Variants in CSMD1 observed in about 807,000 individuals in gnomAD.
CSMD1 encodes CUB and Sushi multiple domains 1.
CSMD1 carries 213 observed loss-of-function variants against 417.5 expected under a neutral mutation model. The ratio of observed to expected loss-of-function variants is 0.51; its 90% CI spans 0.46 to 0.57. CSMD1 has a LOEUF of 0.57. CSMD1 is among the 20% of genes least tolerant of loss of function. CSMD1 has a pLI of 0.00. For missense variants in CSMD1, 6,923 were observed against 4,529.7 expected (o/e 1.53, Z -15.17); for synonymous variants, 2,862 against 1,736.8 (o/e 1.65, Z -16.11).
chr8:2,939,626 G>C (rs953418143), intron 69 of CSMD1, among the ~76,000 whole-genome samples: 17 of 152,108 alleles, frequency 1.1e-4, no homozygotes, highest in African/African-American at 4.1e-4. Context: ...AAGCACGCTC[G>C]CAAAAACATC....
At chr8:4,186,846 A>AAAT (rs1554486424) in intron 3 of CSMD1, among the ~76,000 whole-genome samples, 6 of 150,636 alleles carry the variant, frequency 4.0e-5, no homozygotes, top group African/African-American at 1.5e-4. Context: ...AAAAAAAAAA[A>AAAT]TCAGCCGGGC....
chr8:4,020,499 A>G (rs1184758300), intron 4 of CSMD1, among the ~76,000 whole-genome samples: 1 of 152,194 alleles, frequency 6.6e-6, no homozygotes, highest in Non-Finnish European at 1.5e-5. Context: ...CTGGGTCCAG[A>G]TCTCACCTCT....
intron 3 of CSMD1, among the ~76,000 whole-genome samples, chr8:4,417,386 T>C (rs904481979): frequency 6.6e-6 from 1 of 152,042 alleles, no homozygotes; most frequent in Non-Finnish European, 1.5e-5. Flanking sequence ...GGATTATGTT[T>C]ATTCCCAAGG....
At chr8:4,848,173 T>A (rs966428779) in intron 1 of CSMD1, among the ~76,000 whole-genome samples, 5 of 152,252 alleles carry the variant, frequency 3.3e-5, no homozygotes, top group African/African-American at 1.2e-4. Flanking sequence ...TCTGGCTGAA[T>A]AATATTTCAT....
At chr8:4,558,223 T>C (rs990826567) in intron 2 of CSMD1, among the ~76,000 whole-genome samples, 2 of 152,138 alleles carry the variant, frequency 1.3e-5, no homozygotes, top group Non-Finnish European at 2.9e-5. Context: ...CCCTTATCAC[T>C]TTAGTCAGTA....
chr8:4,158,174 T>G (rs1796943344), intron 3 of CSMD1, among the ~76,000 whole-genome samples: 1 of 151,674 alleles, frequency 6.6e-6, no homozygotes, highest in African/African-American at 2.4e-5. Flanking sequence ...TCATTTTTAG[T>G]GAAGTCTCTC....
intron 4 of CSMD1, among the ~76,000 whole-genome samples, chr8:4,027,074 C>G (rs1368087441): frequency 5.3e-5 from 8 of 152,158 alleles, no homozygotes; most frequent in Admixed American, 3.9e-4. Flanking sequence ...TCAGGCCAGC[C>G]AGGATAGGTC....
chr8:3,448,614 T>C (rs56165549), intron 12 of CSMD1, among the ~76,000 whole-genome samples: 23,579 of 151,968 alleles, frequency 0.16, 2,069 homozygotes, highest in East Asian at 0.45. Context: ...CCACATGCCA[T>C]GCAAAGGTGA....
At chr8:3,118,300 G>C in intron 42 of CSMD1, 99 bp downstream of exon 42, 1 of 818,394 alleles carries the variant, frequency 1.2e-6, no homozygotes, top group South Asian at 1.9e-5. Context: ...AATATTTATT[G>C]AATACATTAA....
chr8:4,115,049 T>G (rs1204747311), intron 3 of CSMD1, among the ~76,000 whole-genome samples: 5 of 152,226 alleles, frequency 3.3e-5, no homozygotes, highest in African/African-American at 1.2e-4. Flanking sequence ...ATTCAAATTT[T>G]GAAAGAATTG....
At chr8:3,999,382 G>C (rs1260700250) in intron 4 of CSMD1, among the ~76,000 whole-genome samples, 5 of 152,130 alleles carry the variant, frequency 3.3e-5, no homozygotes, top group African/African-American at 1.2e-4. Context: ...GAAGTGAGAG[G>C]AAATGACCTC....
intron 5 of CSMD1, among the ~76,000 whole-genome samples, chr8:3,778,393 C>G (rs894625073): frequency 4.6e-5 from 7 of 152,130 alleles, no homozygotes; most frequent in Admixed American, 3.3e-4. Flanking sequence ...GGGGCAGAAA[C>G]AAATAAATAA....
intron 3 of CSMD1, among the ~76,000 whole-genome samples, chr8:4,377,614 T>C (rs1391655273): frequency 6.6e-6 from 1 of 152,176 alleles, no homozygotes; most frequent in East Asian, 1.9e-4. Context: ...TTTTATGATG[T>C]GCAAAACTAG....
chr8:3,488,722 G>A (rs905502265), intron 11 of CSMD1, among the ~76,000 whole-genome samples: 1 of 152,132 alleles, frequency 6.6e-6, no homozygotes, highest in Non-Finnish European at 1.5e-5. Flanking sequence ...GGCCGGGAAA[G>A]AAAAGCTAAC....
chr8:4,624,333 C>G (rs533368369), intron 2 of CSMD1, among the ~76,000 whole-genome samples: 2 of 152,150 alleles, frequency 1.3e-5, no homozygotes, highest in South Asian at 2.1e-4. Flanking sequence ...GAGCTCTTGT[C>G]AAATCTCTCC....
At chr8:4,401,075 A>C (rs906962200) in intron 3 of CSMD1, among the ~76,000 whole-genome samples, 3 of 152,176 alleles carry the variant, frequency 2.0e-5, no homozygotes, top group African/African-American at 7.2e-5. Flanking sequence ...TTTTAAGAAA[A>C]TGAGTTTTTA....
intron 1 of CSMD1, among the ~76,000 whole-genome samples, chr8:4,841,174 T>C (rs1209083345): frequency 6.6e-6 from 1 of 152,184 alleles, no homozygotes; most frequent in Non-Finnish European, 1.5e-5. Flanking sequence ...GAGCTTCTCC[T>C]CTCCTTGCAA....
chr8:3,230,481 G>T (rs1224273167), intron 26 of CSMD1, among the ~76,000 whole-genome samples: 1 of 142,376 alleles, frequency 7.0e-6, no homozygotes, highest in Non-Finnish European at 1.6e-5. Context: ...ATATATCAAG[G>T]GTTTTTTTAA....
At chr8:3,292,418 A>G (rs967248727) in intron 25 of CSMD1, among the ~76,000 whole-genome samples, 1 of 152,096 alleles carries the variant, frequency 6.6e-6, no homozygotes, top group African/African-American at 2.4e-5. Context: ...TCTAATGTTG[A>G]CAGTGGGGTG....
Sources: allele counts gnomAD v4.1 joint callset (sites outside exome capture counted in the v4.1 genomes callset), GRCh38; gene constraint gnomAD v4.1.1; transcripts MANE v1.5; gene names NCBI Gene and HGNC (gene_info 2026-07-23, HGNC 2026-07-21).